Variants in DGKG observed in about 807,000 individuals in gnomAD.
DGKG encodes DAG kinase gamma.
DGKG carries 78 observed loss-of-function variants against 105.3 expected under a neutral mutation model. The ratio of observed to expected loss-of-function variants is 0.74; its 90% CI spans 0.62 to 0.89. The LOEUF is 0.89. Ranked by LOEUF, DGKG falls within the 40% of genes least tolerant of loss-of-function variation. The probability of loss-of-function intolerance (pLI) is 0.00; values close to 1 mark genes in which losing one functional copy is unlikely to be tolerated. For missense variants in DGKG, 958 were observed against 1,020.1 expected, an observed-to-expected ratio of 0.94 and a Z score of 0.83; for synonymous variants, 346 against 367.1, an observed-to-expected ratio of 0.94 and a Z score of 0.66.
At chr3:186,277,648 AT>A (rs1284097878) in intron 9 of DGKG, among the ~76,000 whole-genome samples, 1 of 152,144 alleles carries the variant, frequency 6.6e-6, no homozygotes, top group Non-Finnish European at 1.5e-5. Context: ...ATTTTTATGG[AT>A]ATAAGAAGTG....
intron 5 of DGKG, among the ~76,000 whole-genome samples, chr3:186,296,277 A>G (rs1028314344): frequency 6.6e-6 from 1 of 152,200 alleles, no homozygotes; most frequent in Non-Finnish European, 1.5e-5. Flanking sequence ...ACTTAGGGAC[A>G]CTGAGGCACA....
chr3:186,197,516 C>A (rs1718239725), intron 21 of DGKG, among the ~76,000 whole-genome samples: 1 of 152,128 alleles, frequency 6.6e-6, no homozygotes, highest in East Asian at 1.9e-4. Context: ...GCCCCCGGGG[C>A]CTGTGGGACT....
At chr3:186,348,951 C>T (rs1340396651) in intron 1 of DGKG, among the ~76,000 whole-genome samples, 1 of 151,822 alleles carries the variant, frequency 6.6e-6, no homozygotes, top group Non-Finnish European at 1.5e-5. Context: ...TACACATTAA[C>T]TATTTTGAAG....
Position 186,297,483 on chromosome 3 carries a change from T to C in DGKG, c.311A>G (p.Asp104Gly). ...GASNSEANSA[D>G]TNIQNADNAT... ...ATTATCTGCATTCTGTATATTAGTA[T>C]CTGAGGAAAAAAAAGAAGATTTAAA... Residue 104 changes from aspartate (D) to glycine (G), a missense_variant and splice_region_variant, in exon 5 of 25, where the codon GAT (aspartate) becomes GGT (glycine). Around this residue, in one of 2 missense-constraint regions of DGKG, gnomAD observed 643 missense variants for 619.5 expected, o/e 1.04. Coordinates refer to ENST00000265022, the MANE Select transcript of DGKG (RefSeq NM_001346.3). The C allele has an allele frequency of 6.2e-7, 1 of 1,610,558 alleles. No homozygotes were observed. The highest frequency in any genetic ancestry group is 8.5e-7 in the Non-Finnish European group (1 of 1,176,754).
At chr3:186,155,101 G>C (rs1422288120) in intron 24 of DGKG, among the ~76,000 whole-genome samples, 1 of 152,128 alleles carries the variant, frequency 6.6e-6, no homozygotes, top group Non-Finnish European at 1.5e-5. Context: ...AATGAGACAA[G>C]TTTCCCGAAT....
intron 24 of DGKG, chr3:186,161,153 A>G: frequency 1.0e-6 from 1 of 988,640 alleles, no homozygotes; most frequent in Non-Finnish European, 1.2e-6. Context: ...TCCAGCAGTC[A>G]AAGGCGCTAC....
In DGKG at chr3:186,261,687, A is replaced by G. The variant is rs1163500838; in HGVS notation, c.1349+12T>C. The G allele has an allele frequency of 1.9e-6, 3 of 1,591,392 alleles. No individual in the cohort carries two copies. The highest frequency in any genetic ancestry group is 2.6e-6 in the Non-Finnish European group (3 of 1,166,428). On this transcript the variant is annotated intron_variant, in intron 15 of 24. Transcript: ENST00000265022. ...CCCTAGTTGCTCCACTTTGAAACAG[A>G]AGAGAACGTACCTTTCTCCTTGTCT...
chr3:186,151,344 G>A (rs909749073), intron 24 of DGKG, among the ~76,000 whole-genome samples: 13 of 152,198 alleles, frequency 8.5e-5, no homozygotes, highest in African/African-American at 7.2e-5. Context: ...CAGTGTGACC[G>A]CAGGGAACAA....
intron 17 of DGKG, among the ~76,000 whole-genome samples, chr3:186,254,860 C>A (rs1037448811): frequency 6.6e-6 from 1 of 152,282 alleles, no homozygotes; most frequent in Non-Finnish European, 1.5e-5. Context: ...GGCTGTGTGG[C>A]TCCTCATGGC....
intron 5 of DGKG, 84 bp downstream of exon 5, chr3:186,297,337 C>T (rs929323213): frequency 4.0e-6 from 4 of 1,010,944 alleles, no homozygotes; most frequent in Admixed American, 3.4e-5. Context: ...ATGAAGACAG[C>T]ACTGTTGGTT....
rs760511371 is a variant in DGKG at position 186,251,858 on chromosome 3, C to A, written c.1662G>T (p.Met554Ile). The A allele has an allele frequency of 6.2e-7, 1 of 1,612,614 alleles. No individual in the cohort carries two copies. Among genetic ancestry groups the A allele is most frequent in the South Asian group, 1.1e-5 (1 of 90,876 alleles). Residue 554 changes from methionine to isoleucine, a missense_variant, in exon 19 of 25, where the codon ATG becomes ATT. Physicochemically the swap from Met to Ile is conservative, Grantham distance 10. This residue lies in a region of DGKG where 315 missense variants were observed against 400.6 expected (regional missense o/e 0.79). Transcript: ENST00000265022. ...TGACTTCCAGATGCCAGCGGTCCAG[C>A]ATCACCAAGGGGCTCTGCTCAATGT... The part of the protein sequence containing the change: ...LKDIEQSPLV[M>I]LDRWHLEVIP...
intron 22 of DGKG, among the ~76,000 whole-genome samples, chr3:186,166,627 ATG>A (rs5855082): frequency 0.58 from 87,183 of 149,722 alleles, 26,177 homozygotes; most frequent in East Asian, 0.88. Flanking sequence ...TGGGCTATAA[ATG>A]TGTGTGTGTG....
chr3:186,228,686 G>C, intron 20 of DGKG, among the ~76,000 whole-genome samples: 2 of 152,218 alleles, frequency 1.3e-5, no homozygotes, highest in Admixed American at 1.3e-4. Flanking sequence ...GCATTTCCCC[G>C]GTTGCTTCTC....
At chr3:186,253,335 A>T (rs1721314740) in intron 17 of DGKG, among the ~76,000 whole-genome samples, 153 bp from the exon 18 acceptor site, 1 of 152,202 alleles carries the variant, frequency 6.6e-6, no homozygotes, top group African/African-American at 2.4e-5. Context: ...TCCTAAAGCC[A>T]TCTATCCCAT....
chr3:186,236,395 T>G (rs1720422920), intron 20 of DGKG, among the ~76,000 whole-genome samples: 1 of 152,256 alleles, frequency 6.6e-6, no homozygotes, highest in African/African-American at 2.4e-5. Flanking sequence ...AAATGTTTAT[T>G]GCGAACCTCC....
intron 3 of DGKG, among the ~76,000 whole-genome samples, chr3:186,299,090 C>G (rs1211582824): frequency 6.6e-6 from 1 of 152,222 alleles, no homozygotes; most frequent in Non-Finnish European, 1.5e-5. Context: ...AAACACTCAA[C>G]AACAACAGTT....
intron 20 of DGKG, among the ~76,000 whole-genome samples, chr3:186,234,725 G>A (rs1578702980): frequency 2.0e-5 from 3 of 152,306 alleles, no homozygotes; most frequent in African/African-American, 4.8e-5. Flanking sequence ...GCCACAGGCT[G>A]CTGCTGTGTA....
chr3:186,320,657 G>T lies in DGKG; in HGVS notation c.-198C>A. On this transcript the variant is annotated 5_prime_UTR_variant, in exon 2 of 25. Coordinates refer to ENST00000265022, the MANE Select transcript of DGKG (RefSeq NM_001346.3). The stretch of plus-strand genomic sequence containing the variant: ...AGACAAGATCTCTGCTATTCCTTAG[G>T]CAACATCCTCCTGTCTGTATTCAAG... 1.4e-6 allele frequency: 1 copy of T among 724,736 alleles called. No individual in the cohort carries two copies. The highest frequency in any genetic ancestry group is 2.1e-6 in the Non-Finnish European group (1 of 485,252). The allele number at this position is 724,736 out of a possible 1,614,324, so 44.9% of individuals were successfully genotyped here. A position where few individuals can be genotyped will look rare whatever the true frequency, so the allele number is the denominator to read the frequency against.
At chr3:186,323,589 C>G (rs531094503) in intron 1 of DGKG, among the ~76,000 whole-genome samples, 1 of 152,088 alleles carries the variant, frequency 6.6e-6, no homozygotes, top group African/African-American at 2.4e-5. Context: ...GTCAGGAGAT[C>G]GAGACCATCC....
Sources: gnomAD v4.1 joint callset for allele counts (sites outside exome capture counted in the v4.1 genomes callset) on GRCh38, gnomAD v4.1.1 for gene constraint, gnomAD v4.1.1 regional missense constraint, MANE v1.5 for transcripts, NCBI Gene and HGNC (gene_info 2026-07-23, HGNC 2026-07-21) for gene names.